The following STX18 variants were observed in gnomAD, a reference collection of about 807,000 sequenced individuals.
STX18 encodes syntaxin-18.
Under a neutral mutation model 50.1 loss-of-function variants are expected in STX18, and 40 were observed. That is an observed-to-expected ratio of 0.80 (90% confidence interval 0.62 to 1.04). The LOEUF is 1.04. Ranked by LOEUF, STX18 falls within the 50% of genes least tolerant of loss-of-function variation. STX18 has a pLI of 0.00. For missense variants in STX18, 410 were observed against 415.8 expected (o/e 0.99, Z 0.12); for synonymous variants, 158 against 151.8 (o/e 1.04, Z -0.30).
intron 7 of STX18, among the ~76,000 whole-genome samples, chr4:4,429,286 AAGTC>A (rs1287204792): frequency 6.6e-6 from 1 of 152,226 alleles, no homozygotes; most frequent in African/African-American, 2.4e-5. Context: ...TCCCATTTAG[AAGTC>A]AGTTAGACTT....
intron 1 of STX18, among the ~76,000 whole-genome samples, chr4:4,525,092 T>C (rs554085331): frequency 6.6e-6 from 1 of 152,238 alleles, no homozygotes; most frequent in South Asian, 2.1e-4. Context: ...GGTACATTTA[T>C]GAAAAGAATA....
intron 3 of STX18, among the ~76,000 whole-genome samples, chr4:4,457,777 T>C (rs1727157702): frequency 6.6e-6 from 1 of 152,236 alleles, no homozygotes; most frequent in African/African-American, 2.4e-5. Flanking sequence ...TCTTGAGTGC[T>C]GACCCCATCT....
chr4:4,448,201 G>A (rs1235829495), intron 5 of STX18, among the ~76,000 whole-genome samples: 1 of 152,172 alleles, frequency 6.6e-6, no homozygotes, highest in African/African-American at 2.4e-5. Context: ...TAAATCCCAT[G>A]GCAGTCTGGA....
intron 1 of STX18, among the ~76,000 whole-genome samples, chr4:4,495,537 C>G (rs73201725): frequency 6.7e-6 from 1 of 150,322 alleles, no homozygotes; most frequent in Admixed American, 6.6e-5. Flanking sequence ...TACAGGCACG[C>G]GTGTCTGGCT....
At chr4:4,447,096 T>C (rs937497356) in intron 5 of STX18, among the ~76,000 whole-genome samples, 6 of 152,228 alleles carry the variant, frequency 3.9e-5, no homozygotes, top group Non-Finnish European at 2.9e-5. Flanking sequence ...TATACACATA[T>C]GATTATTAAA....
At chr4:4,473,216 C>T (rs1203939166) in intron 1 of STX18, among the ~76,000 whole-genome samples, 2 of 152,034 alleles carry the variant, frequency 1.3e-5, no homozygotes, top group Non-Finnish European at 2.9e-5. Context: ...CAGCGTGTTT[C>T]CCAGTGCACC....
chr4:4,515,912 T>C (rs1242881407), intron 1 of STX18, among the ~76,000 whole-genome samples: 2 of 152,126 alleles, frequency 1.3e-5, no homozygotes, highest in Non-Finnish European at 2.9e-5. Flanking sequence ...AAACAGCATC[T>C]GATTACAGCA....
Position 4,420,761 on chromosome 4 carries a change from T to C in STX18, c.912+103A>G. 1 of 1,078,164 alleles carries C rather than the reference T, an allele frequency of 9.3e-7. No homozygotes were observed. Among genetic ancestry groups the C allele is most frequent in the Non-Finnish European group, 1.4e-6 (1 of 706,394 alleles). 66.8% of individuals were successfully genotyped at this position (1,078,164 alleles called of 1,614,324 possible). On this transcript the variant is annotated intron_variant, in intron 10 of 10. Transcript: ENST00000306200. The surrounding 1 kb of genome is among the most constrained non-coding windows in gnomAD (Gnocchi z 4.3). ...ATTTTGTGATCAGCCCCGTGAGCTC[T>C]GCCCAGCAAGGCTCCTGGGCAGCTG...
chr4:4,491,559 C>T (rs933066859), intron 1 of STX18, among the ~76,000 whole-genome samples: 8 of 151,954 alleles, frequency 5.3e-5, no homozygotes, highest in African/African-American at 9.7e-5. Context: ...CATCATCTAC[C>T]GAAAGAGGAA....
intron 8 of STX18, among the ~76,000 whole-genome samples, chr4:4,424,088 A>G (rs1725112162): frequency 6.6e-6 from 1 of 151,294 alleles, no homozygotes. Context: ...GTTCCAAGAA[A>G]AAAGCTCCTC....
chr4:4,529,916 T>C (rs1731016046), intron 1 of STX18, among the ~76,000 whole-genome samples: 1 of 152,208 alleles, frequency 6.6e-6, no homozygotes, highest in Admixed American at 6.5e-5. Flanking sequence ...GATTTTCTCA[T>C]ATAGATTAAG....
At chr4:4,508,785 C>T (rs944898319) in intron 1 of STX18, among the ~76,000 whole-genome samples, 1 of 152,152 alleles carries the variant, frequency 6.6e-6, no homozygotes, top group African/African-American at 2.4e-5. Context: ...CATTCAGCTC[C>T]CACTTATAAG....
chr4:4,421,032 G>C, intron 9 of STX18, 88 bp from the exon 10 acceptor site: 1 of 1,296,088 alleles, frequency 7.7e-7, no homozygotes, highest in Non-Finnish European at 1.1e-6. Context: ...TCCTTTGAGT[G>C]TCATGTCAGC....
intron 1 of STX18, among the ~76,000 whole-genome samples, chr4:4,531,865 C>G (rs540929517): frequency 6.6e-6 from 1 of 152,132 alleles, no homozygotes; most frequent in African/African-American, 2.4e-5. Context: ...AAACAAAAAA[C>G]AAACTACATT....
intron 1 of STX18, among the ~76,000 whole-genome samples, chr4:4,516,098 C>A (rs568252848): frequency 1.3e-5 from 2 of 152,102 alleles, no homozygotes; most frequent in Non-Finnish European, 2.9e-5. Flanking sequence ...CTAGACAAAA[C>A]CCTATGTTTG....
In STX18 at chr4:4,420,169, G is replaced by T; in HGVS notation, c.913-40C>A. On this transcript the variant is annotated intron_variant, in intron 10 of 10. Transcript: ENST00000306200. This position sits in a 1 kb window ranked among gnomAD's most constrained non-coding sequence, Gnocchi z 4.3. ...GAGCACAGGTGTTTTTATCACACAG[G>T]ATTTTGGTTTGAGCAGCCCTGAAAT... 1 of 1,562,828 alleles carries T rather than the reference G, an allele frequency of 6.4e-7. No homozygotes were observed. Among genetic ancestry groups the T allele is most frequent in the South Asian group, 1.2e-5 (1 of 85,480 alleles).
intron 1 of STX18, among the ~76,000 whole-genome samples, chr4:4,496,789 G>A (rs137930777): frequency 7.2e-5 from 11 of 152,174 alleles, no homozygotes; most frequent in African/African-American, 2.4e-4. Context: ...GTTACACTAT[G>A]GTGTCATGCA....
At chr4:4,508,052 G>A (rs114509853) in intron 1 of STX18, among the ~76,000 whole-genome samples, 364 of 152,220 alleles carry the variant, frequency 2.4e-3, no homozygotes, top group Middle Eastern at 0.014. Flanking sequence ...TTCAACACTA[G>A]CTGGCCTTCC....
At chr4:4,481,193 T>G (rs1728440926) in intron 1 of STX18, among the ~76,000 whole-genome samples, 1 of 152,192 alleles carries the variant, frequency 6.6e-6, no homozygotes, top group Non-Finnish European at 1.5e-5. Context: ...GCGACCGCAT[T>G]CTGACTGTGG....
Sources: gnomAD v4.1 joint callset for allele counts (sites outside exome capture counted in the v4.1 genomes callset) on GRCh38, gnomAD v4.1.1 for gene constraint, Gnocchi (gnomAD v3.1) non-coding constraint, MANE v1.5 for transcripts, NCBI Gene and HGNC (gene_info 2026-07-23, HGNC 2026-07-21) for gene names.